SBK2: variants seen among roughly 807,000 people sequenced by gnomAD.
The protein encoded by SBK2 is serine/threonine-protein kinase SBK2.
In SBK2, 18 loss-of-function variants were observed where a neutral mutation model predicts 15.9. The ratio of observed to expected loss-of-function variants is 1.13; its 90% CI spans 0.78 to 1.68. The LOEUF (loss-of-function observed/expected upper bound fraction) is 1.68. Among genes scored for constraint, SBK2 ranks in the 40% most tolerant of loss-of-function variants. SBK2 has a pLI of 0.00. For synonymous variants in SBK2, 284 were observed against 246.8 expected, an observed-to-expected ratio of 1.15 and a Z score of -1.41; for missense variants, 581 against 510.9, an observed-to-expected ratio of 1.14 and a Z score of -1.32.
At chr19:55,535,932 G>A (rs1295793460) in intron 2 of SBK2, 110 bp downstream of exon 2, 10 of 1,047,982 alleles carry the variant, frequency 9.5e-6, no homozygotes, top group Non-Finnish European at 1.3e-5. Flanking sequence ...GCTTTGGAGG[G>A]CAGAGGTAAG....
chr19:55,536,202 C>G lies in SBK2; in HGVS notation c.93G>C (p.Glu31Asp). The G allele has an allele frequency of 2.5e-6, 4 of 1,607,942 alleles. No homozygotes were observed. Among genetic ancestry groups the G allele is most frequent in the Non-Finnish European group, 3.4e-6 (4 of 1,177,634 alleles). ...EEGLGGLTLE[E>D]LQQGQEAARA... ...GGGCAGCCTCCTGGCCCTGCTGGAGCTCCTCTAATGTCAGGCCGCCCAGAC... is the reference window on the plus strand; with the variant it reads ...GGGCAGCCTCCTGGCCCTGCTGGAGGTCCTCTAATGTCAGGCCGCCCAGAC... Residue 31 changes from glutamate to aspartate, a missense_variant, in exon 2 of 4, where the codon GAG becomes GAC. Physicochemically the swap from Glu to Asp is conservative, Grantham distance 45. Transcript: ENST00000413299.
Position 55,536,287 on chromosome 19 carries a change from C to A in SBK2, c.8G>T (p.Gly3Val). MP[G>V]KQSEEGPAEA... The stretch of plus-strand genomic sequence containing the variant: ...CGCCGGCCCTTCCTCAGACTGTTTG[C>A]CGGGCATCTCTGCGAGAACAGAGAG... Residue 3 changes from glycine (G) to valine (V), a missense_variant, in exon 2 of 4, where the codon GGC becomes GTC. By Grantham distance (109) the Gly-to-Val change is moderately radical. Coordinates refer to ENST00000413299, the MANE Select transcript of SBK2 (RefSeq NM_001370096.2). 1 of 1,561,802 alleles carries A rather than the reference C, an allele frequency of 6.4e-7. No homozygotes were observed. The highest frequency in any genetic ancestry group is 8.6e-7 in the Non-Finnish European group (1 of 1,157,440).
At position 55,530,249 on chromosome 19, in the gene SBK2, G is replaced by A. The variant is rs1988218664; in HGVS notation, c.531C>T (p.Arg177=). The change falls in exon 4 of 4, where the codon CGC becomes CGT. Residue 177 remains arginine, a synonymous_variant. Coordinates refer to ENST00000413299, the MANE Select transcript of SBK2 (RefSeq NM_001370096.2). ...LASALEYIHA[R]GLVYRDLKPE... is the part of the protein sequence containing the mutation. ...GCTTCAGGTCCCGGTACACCAGGCC[G>A]CGGGCGTGGATGTACTCCAGGGCGG... 2.6e-6 allele frequency: 4 copies of A among 1,517,148 alleles called. No individual in the cohort carries two copies. The highest frequency in any genetic ancestry group is 3.5e-6 in the Non-Finnish European group (4 of 1,132,988). The allele number at this position is 1,517,148 out of a possible 1,614,324, so 94.0% of individuals were successfully genotyped here.
At chr19:55,532,171 T>G (rs939299461) in intron 2 of SBK2, among the ~76,000 whole-genome samples, 2 of 152,122 alleles carry the variant, frequency 1.3e-5, no homozygotes. Flanking sequence ...AAGGTATTTT[T>G]GAGACACCTG....
chr19:55,536,355 T>C (rs554290799), intron 1 of SBK2, 59 bp from the exon 2 acceptor site: 64 of 1,343,880 alleles, frequency 4.8e-5, no homozygotes, highest in Admixed American at 4.3e-4. Flanking sequence ...AGGAGGGGAC[T>C]GGGGGTCTGG....
chr19:55,530,101 C>T lies in SBK2; in HGVS notation c.679G>A (p.Glu227Lys), dbSNP rs752420640. 3.4e-6 allele frequency: 5 copies of T among 1,450,180 alleles called. No homozygotes were observed. Among genetic ancestry groups the T allele is most frequent in the Middle Eastern group, 1.9e-4 (1 of 5,280 alleles). The allele number at this position is 1,450,180 out of a possible 1,614,324, so 89.8% of individuals were successfully genotyped here. A position where few individuals can be genotyped will look rare whatever the true frequency, so the allele number is the denominator to read the frequency against. ...AGPPIPYTAP[E>K]LCAPPPLPEG... ...GGGAGCGGCGGGGGCGCGCAGAGCT[C>T]GGGGGCCGTGTAGGGGATGGGCGGC... Residue 227 changes from glutamate (E) to lysine (K), a missense_variant, in exon 4 of 4, where the codon GAG becomes AAG. By Grantham distance (56) the Glu-to-Lys change is moderately conservative (BLOSUM62 1). Transcript: ENST00000413299.
In SBK2 at chr19:55,530,300, C is replaced by A; in HGVS notation, c.480G>T (p.Val160=). 1 of 1,423,416 alleles carries A rather than the reference C, an allele frequency of 7.0e-7. No homozygotes were observed. The highest frequency in any genetic ancestry group is 9.2e-7 in the Non-Finnish European group (1 of 1,088,354). 88.2% of individuals were successfully genotyped at this position (1,423,416 alleles called of 1,614,324 possible). A position where few individuals can be genotyped will look rare whatever the true frequency, so the allele number is the denominator to read the frequency against. Residue 160 remains valine, a synonymous_variant, in exon 4 of 4, where the codon GTG becomes GTT. Coordinates refer to ENST00000413299, the MANE Select transcript of SBK2 (RefSeq NM_001370096.2). ...QPKVGLPQPA[V]HRCAAQLASA... is the part of the protein sequence containing the mutation. ...AGGCCAGCTGGGCGGCGCAGCGGTG[C>A]ACCGCGGGCTGCGGGAGGCCCACCT...
intron 2 of SBK2, among the ~76,000 whole-genome samples, chr19:55,534,429 C>T (rs1162111168): frequency 6.6e-6 from 1 of 152,108 alleles, no homozygotes; most frequent in Non-Finnish European, 1.5e-5. Context: ...CTGTTGTTGG[C>T]CAGGCACGGT....
Position 55,536,300 on chromosome 19 carries a change from C to A in SBK2, c.-2-4G>T, listed in dbSNP as rs114056464. On this transcript the variant is annotated splice_polypyrimidine_tract_variant and splice_region_variant and intron_variant, in intron 1 of 3. Transcript: ENST00000413299. ...TCAGACTGTTTGCCGGGCATCTCTG[C>A]GAGAACAGAGAGGGGTGCCCAGGCT... The A allele has an allele frequency of 1.9e-5, 30 of 1,546,768 alleles. No individual in the cohort carries two copies. The highest frequency in any genetic ancestry group is 2.4e-5 in the Non-Finnish European group (28 of 1,144,730).
rs1988189432 is a variant in SBK2, at chr19:55,529,606, G to A, written c.*127C>T. On this transcript the variant is annotated 3_prime_UTR_variant, in exon 4 of 4. Coordinates refer to ENST00000413299, the MANE Select transcript of SBK2 (RefSeq NM_001370096.2). Reference sequence around the variant, plus strand: ...AGGAATGCAGCCTGCAGAGAGGAGAGAGGAGGAGGACGCCGAGGGGAATCC... The same window carrying A: ...AGGAATGCAGCCTGCAGAGAGGAGAAAGGAGGAGGACGCCGAGGGGAATCC... 1 of 1,291,746 alleles carries A rather than the reference G, an allele frequency of 7.7e-7. No individual in the cohort carries two copies. Among genetic ancestry groups the A allele is most frequent in the Non-Finnish European group, 1.0e-6 (1 of 969,708 alleles). The allele number at this position is 1,291,746 out of a possible 1,614,324, so 80.0% of individuals were successfully genotyped here.
intron 1 of SBK2, 107 bp downstream of exon 1, chr19:55,536,947 G>A (rs1599946044): frequency 6.6e-6 from 1 of 152,518 alleles, no homozygotes; most frequent in Admixed American, 6.5e-5. Context: ...CTCCCCTGAG[G>A]GACCGAGGAC....
Position 55,529,640 on chromosome 19 carries a change from A to G in SBK2, c.*93T>C, listed in dbSNP as rs1358904734. 36 of 1,476,854 alleles carry G rather than the reference A, an allele frequency of 2.4e-5. No individual in the cohort carries two copies. The highest frequency in any genetic ancestry group is 2.0e-4 in the South Asian group (15 of 75,854). The allele number at this position is 1,476,854 out of a possible 1,614,324, so 91.5% of individuals were successfully genotyped here. ...GACGCCGAGGGGAATCCCAAGCCCC[A>G]TGGATGAAAACACACCGAGGAGACA... On this transcript the variant is annotated 3_prime_UTR_variant, in exon 4 of 4. Coordinates refer to ENST00000413299, the MANE Select transcript of SBK2 (RefSeq NM_001370096.2).
chr19:55,531,736 G>T (rs1355323676), intron 2 of SBK2, among the ~76,000 whole-genome samples: 2 of 152,334 alleles, frequency 1.3e-5, no homozygotes, highest in African/African-American at 4.8e-5. Flanking sequence ...CCAGTACTTT[G>T]GGAGACCGAG....
In SBK2 at chr19:55,531,140, C is replaced by A; in HGVS notation, c.456+3G>T. 2 of 1,610,030 alleles carry A rather than the reference C, an allele frequency of 1.2e-6. No homozygotes were observed. Among genetic ancestry groups the A allele is most frequent in the Non-Finnish European group, 1.7e-6 (2 of 1,179,754 alleles). On this transcript the variant is annotated splice_donor_region_variant and intron_variant, in intron 3 of 3. Transcript: ENST00000413299. Reference sequence around the variant, plus strand: ...GGAGGCGGCCTGGGGTCTGCCTACGCACCTTGGGCTGGATGAAGGCCATGA... The same window carrying A: ...GGAGGCGGCCTGGGGTCTGCCTACGAACCTTGGGCTGGATGAAGGCCATGA...
Position 55,536,116 on chromosome 19 carries a change from T to C in SBK2, c.179A>G (p.Glu60Gly). The C allele has an allele frequency of 6.4e-7, 1 of 1,551,994 alleles. No individual in the cohort carries two copies. The highest frequency in any genetic ancestry group is 1.4e-5 in the African/African-American group (1 of 72,752). The change falls in exon 2 of 4, where the codon GAG (glutamate) becomes GGG (glycine). Residue 60 changes from glutamate (E) to glycine (G), a missense_variant. Physicochemically the swap from Glu to Gly is moderately conservative, Grantham distance 98. Coordinates refer to ENST00000413299, the MANE Select transcript of SBK2 (RefSeq NM_001370096.2). ...AQTLVRAEVD[E>G]LYEEVRPLGQ... Reference sequence around the variant, plus strand: ...CAGGGGACGCACTTCCTCGTAGAGCTCGTCCACCTCGGCTCGGACCAGGGT... The same window carrying C: ...CAGGGGACGCACTTCCTCGTAGAGCCCGTCCACCTCGGCTCGGACCAGGGT...
At position 55,529,955 on chromosome 19, in the gene SBK2, C is replaced by T. The variant is rs1000427906; in HGVS notation, c.825G>A (p.Glu275=). Residue 275 remains glutamate, a synonymous_variant, in exon 4 of 4, where the codon GAG becomes GAA. Transcript: ENST00000413299. ...RPLAEADPFY[E]DFLIWQASGQ... ...CCGACGCCTGCCAGATGAGGAAGTC[C>T]TCGTAGAAGGGGTCGGCCTCGGCCA... is the stretch of plus-strand genomic sequence containing the variant. The T allele has an allele frequency of 5.2e-6, 8 of 1,532,788 alleles. No homozygotes were observed. The African/African-American group carries it at 5.6e-5, about 11-fold the overall frequency. The allele number at this position is 1,532,788 out of a possible 1,614,324, so 94.9% of individuals were successfully genotyped here.
In SBK2 at chr19:55,531,241, C is replaced by T. The variant is rs996781820; in HGVS notation, c.358G>A (p.Val120Met). The stretch of plus-strand genomic sequence containing the variant: ...TCGATGCCAATGCCGTAGGCCGTCA[C>T]GATGGCTGAGTGCGCGCCCAGCGAG... ...GLSLGAHSAIVTAYGIGIESA... is the reference protein window; with the variant it reads ...GLSLGAHSAIMTAYGIGIESA... Residue 120 changes from valine to methionine, a missense_variant, in exon 3 of 4, where the codon GTG becomes ATG. Physicochemically the swap from Val to Met is conservative, Grantham distance 21. Transcript: ENST00000413299. 6.8e-6 allele frequency: 11 copies of T among 1,613,466 alleles called. No homozygotes were observed. Among genetic ancestry groups the T allele is most frequent in the African/African-American group, 4.0e-5 (3 of 74,884 alleles).
At position 55,529,680 on chromosome 19, in the gene SBK2, C is replaced by T; in HGVS notation, c.*53G>A. 6.4e-7 allele frequency: 1 copy of T among 1,571,674 alleles called. No homozygotes were observed. The highest frequency in any genetic ancestry group is 1.1e-5 in the South Asian group (1 of 87,832). On this transcript the variant is annotated 3_prime_UTR_variant, in exon 4 of 4. Transcript: ENST00000413299. ...CCGAGGAGACACCAAAAGCCGTTGG[C>T]CTTGGGGGCCTCGGGTGGGGCGGCT...
intron 2 of SBK2, among the ~76,000 whole-genome samples, chr19:55,535,809 G>C (rs1988382061): frequency 6.6e-6 from 1 of 152,216 alleles, no homozygotes; most frequent in African/African-American, 2.4e-5. Flanking sequence ...ACTTGAACCT[G>C]GGAGGTGGAA....
Sources: gnomAD v4.1 joint callset for allele counts (sites outside exome capture counted in the v4.1 genomes callset) on GRCh38, gnomAD v4.1.1 for gene constraint, MANE v1.5 for transcripts, NCBI Gene and HGNC (gene_info 2026-07-23, HGNC 2026-07-21) for gene names.